DYNC1I1: variants seen among roughly 807,000 people sequenced by gnomAD.
DYNC1I1 encodes the protein cytoplasmic dynein 1 intermediate chain 1.
In DYNC1I1, 43 loss-of-function variants were observed where a neutral mutation model predicts 86.6. That is an observed-to-expected ratio of 0.50 (90% CI 0.39 to 0.64). The LOEUF (loss-of-function observed/expected upper bound fraction) is 0.64. Among genes scored for constraint, DYNC1I1 ranks in the 30% least tolerant of loss-of-function variants. The pLI, the probability that DYNC1I1 is intolerant of heterozygous loss-of-function variation, is 0.00. For missense variants in DYNC1I1, 604 were observed against 788.8 expected, an observed-to-expected ratio of 0.77 and a Z score of 2.81; for synonymous variants, 262 against 283.7, an observed-to-expected ratio of 0.92 and a Z score of 0.77.
chr7:95,775,814 C>T (rs1330696294), intron 1 of DYNC1I1, among the ~76,000 whole-genome samples: 1 of 152,186 alleles, frequency 6.6e-6, no homozygotes, highest in Non-Finnish European at 1.5e-5. Flanking sequence ...CATGTGAGAA[C>T]ATATATTCTC....
intron 14 of DYNC1I1, among the ~76,000 whole-genome samples, chr7:96,058,086 A>G (rs530672507): frequency 6.8e-4 from 104 of 152,302 alleles, no homozygotes; most frequent in African/African-American, 2.5e-3. Context: ...CATACCAACC[A>G]ACATGTTATC....
In DYNC1I1 at chr7:95,996,062, T is replaced by C. The variant is rs922727922; in HGVS notation, c.958T>C (p.Phe320Leu). The change falls in exon 10 of 17, where the codon TTC becomes CTC. Residue 320 changes from phenylalanine to leucine, a missense_variant. Transcript: ENST00000447467. ...TAAGAAAACCACACCAGAATACGTC[T>C]TCCACTGTCAGGTAGGAGTCAGCGT... Reference protein sequence around the residue: ...KFKKTTPEYVFHCQSSVMSVC... With the variant: ...KFKKTTPEYVLHCQSSVMSVC... 2.5e-6 allele frequency: 4 copies of C among 1,613,960 alleles called. No individual in the cohort carries two copies. The African/African-American group carries it at 5.3e-5, about 22-fold the overall frequency.
chr7:96,059,531 A>C (rs1334744418), intron 14 of DYNC1I1, among the ~76,000 whole-genome samples: 2 of 152,160 alleles, frequency 1.3e-5, no homozygotes, highest in African/African-American at 2.4e-5. Context: ...AGAAAGTAAG[A>C]GAATTTGCAA....
chr7:95,801,281 T>C (rs753923670), intron 1 of DYNC1I1, among the ~76,000 whole-genome samples: 17 of 152,244 alleles, frequency 1.1e-4, no homozygotes, highest in Admixed American at 2.6e-4. Flanking sequence ...TTTTAAAATA[T>C]TGACTCTCCG....
intron 1 of DYNC1I1, among the ~76,000 whole-genome samples, chr7:95,786,367 C>T (rs1169947643): frequency 6.6e-6 from 1 of 152,170 alleles, no homozygotes; most frequent in Non-Finnish European, 1.5e-5. Flanking sequence ...CTTTAGGAAG[C>T]CCCCTCTGTG....
chr7:95,789,844 G>A (rs1794246888), intron 1 of DYNC1I1, among the ~76,000 whole-genome samples: 3 of 152,192 alleles, frequency 2.0e-5, no homozygotes, highest in South Asian at 2.1e-4. Context: ...AAGTTTAACT[G>A]CAAGTAACAA....
intron 14 of DYNC1I1, among the ~76,000 whole-genome samples, chr7:96,059,190 G>A (rs887499146): frequency 6.6e-6 from 1 of 152,082 alleles, no homozygotes; most frequent in Non-Finnish European, 1.5e-5. Flanking sequence ...AATAGCTCAT[G>A]CCTGAAGGAT....
intron 1 of DYNC1I1, among the ~76,000 whole-genome samples, chr7:95,779,197 A>G (rs975858766): frequency 6.6e-6 from 1 of 152,222 alleles, no homozygotes; most frequent in Non-Finnish European, 1.5e-5. Flanking sequence ...ACTCTGCTTT[A>G]GAAGTTCTAG....
At chr7:95,875,933 A>G (rs1352030177) in intron 6 of DYNC1I1, among the ~76,000 whole-genome samples, 2 of 151,318 alleles carry the variant, frequency 1.3e-5, no homozygotes. Flanking sequence ...CCTTCAGCCC[A>G]TGCCATGCCT....
intron 9 of DYNC1I1, among the ~76,000 whole-genome samples, chr7:95,995,715 A>T (rs2115755301): frequency 6.6e-6 from 1 of 152,288 alleles, no homozygotes; most frequent in East Asian, 1.9e-4. Flanking sequence ...CGGAGAGGTA[A>T]AGCGATGTTT....
chr7:96,082,281 TAAA>T lies in DYNC1I1; in HGVS notation c.1776+1804_1776+1806del, dbSNP rs34464231. On this transcript the variant is annotated intron_variant, in intron 16 of 16. Transcript: ENST00000447467. The stretch of plus-strand genomic sequence containing the variant: ...AATAAAAAAGAGCAAAGGAGAATGT[TAAA>T]AAAAAAAAAAGCCTTTTCTCTCTCT... 3.9e-4 allele frequency among the ~76,000 whole-genome samples: 58 copies of T among 148,504 alleles called. 1 individual carries two copies. Among genetic ancestry groups the T allele is most frequent in the South Asian group, 3.2e-3 (15 of 4,692 alleles).
intron 6 of DYNC1I1, among the ~76,000 whole-genome samples, chr7:95,871,946 A>G (rs1025971723): frequency 6.6e-6 from 1 of 152,240 alleles, no homozygotes; most frequent in Admixed American, 6.5e-5. Context: ...AGTTCTTGAC[A>G]TTTAAGCAAT....
chr7:95,840,130 A>G (rs1789241016), intron 5 of DYNC1I1, among the ~76,000 whole-genome samples: 1 of 151,804 alleles, frequency 6.6e-6, no homozygotes, highest in South Asian at 2.1e-4. Context: ...TTCCTTCCCC[A>G]GGTTTGGGAA....
intron 10 of DYNC1I1, among the ~76,000 whole-genome samples, chr7:96,010,963 G>T (rs924600488): frequency 6.6e-6 from 1 of 152,204 alleles, no homozygotes; most frequent in African/African-American, 2.4e-5. Context: ...CATTTTGGAA[G>T]GGGAGTGGAA....
rs893302787 is a variant in DYNC1I1 at position 95,832,962 on chromosome 7, T to G, written c.374+4846T>G. On this transcript the variant is annotated intron_variant, in intron 5 of 16. Coordinates refer to ENST00000447467, the MANE Select transcript of DYNC1I1 (RefSeq NM_001135556.2). ...GTAGTTTATTTTGCTGTGCAGAAGC[T>G]CTTTAGTTTAATTAGATCCCATTTG... 9.9e-5 allele frequency among the ~76,000 whole-genome samples: 15 copies of G among 151,912 alleles called. No individual in the cohort carries two copies. In the South Asian group the frequency reaches 1.2e-3, roughly 13 times the overall value.
intron 6 of DYNC1I1, among the ~76,000 whole-genome samples, chr7:95,880,431 C>G (rs368608327): frequency 1.3e-5 from 2 of 152,182 alleles, no homozygotes; most frequent in East Asian, 3.9e-4. Context: ...TTCAGGCCAT[C>G]TCCAGTTTTT....
intron 6 of DYNC1I1, among the ~76,000 whole-genome samples, chr7:95,946,839 A>C (rs1290902533): frequency 1.3e-5 from 2 of 152,190 alleles, no homozygotes; most frequent in Non-Finnish European, 2.9e-5. Flanking sequence ...AGACAAGTAG[A>C]TACAGATGGT....
intron 5 of DYNC1I1, among the ~76,000 whole-genome samples, chr7:95,864,093 C>T (rs991380235): frequency 6.6e-6 from 1 of 152,150 alleles, no homozygotes; most frequent in African/African-American, 2.4e-5. Flanking sequence ...TAGTAGCTAT[C>T]GTAGATCATC....
chr7:96,035,145 T>G (rs542987998), intron 12 of DYNC1I1, among the ~76,000 whole-genome samples: 1 of 152,324 alleles, frequency 6.6e-6, no homozygotes, highest in Admixed American at 6.5e-5. Flanking sequence ...AAATCTGGTT[T>G]TTATGACCTG....
Sources: allele counts gnomAD v4.1 joint callset (sites outside exome capture counted in the v4.1 genomes callset), GRCh38; gene constraint gnomAD v4.1.1; transcripts MANE v1.5; gene names NCBI Gene and HGNC (gene_info 2026-07-23, HGNC 2026-07-21).